The following SHC2 variants were observed in gnomAD, a reference collection of about 807,000 sequenced individuals.
SHC2 encodes SHC adaptor protein 2.
SHC2 carries 62 observed loss-of-function variants against 60.6 expected under a neutral mutation model. The ratio of observed to expected loss-of-function variants is 1.02; its 90% CI spans 0.83 to 1.26. SHC2 has a LOEUF of 1.26. Among genes scored for constraint, SHC2 ranks in the 50% most tolerant of loss-of-function variants. The pLI is 0.00. For missense variants in SHC2, 873 were observed against 822.2 expected (o/e 1.06, Z -0.76); for synonymous variants, 375 against 372.4 (o/e 1.01, Z -0.08).
At position 434,160 on chromosome 19, in the gene SHC2, T is replaced by C. The variant is rs530568060; in HGVS notation, c.1110+549A>G. Among the ~76,000 whole-genome samples the C allele has an allele frequency of 5.1e-5, 6 of 118,012 alleles. No homozygotes were observed. In the East Asian group the frequency reaches 1.5e-3, roughly 30 times the overall value. The allele number at this position is 118,012 out of a possible 152,430, so 77.4% of individuals were successfully genotyped here. A position where few individuals can be genotyped will look rare whatever the true frequency, so the allele number is the denominator to read the frequency against. On this transcript the variant is annotated intron_variant, in intron 8 of 12. Transcript: ENST00000264554. The stretch of plus-strand genomic sequence containing the variant: ...AGATGGCGCTTCATCGTGAGTGAGA[T>C]AGTGAGTGAGAGATAGAGGAGGCCG...
rs1011728078 is a variant in SHC2 at position 422,821 on chromosome 19, C to T, written c.1310-365G>A. 1.5e-5 allele frequency: 3 copies of T among 195,794 alleles called. No homozygotes were observed. The highest frequency in any genetic ancestry group is 2.1e-5 in the Non-Finnish European group (2 of 96,912). The allele number at this position is 195,794 out of a possible 1,614,324, so 12.1% of individuals were successfully genotyped here. On this transcript the variant is annotated intron_variant, in intron 10 of 12. Transcript: ENST00000264554. This position sits in a 1 kb window ranked among gnomAD's most constrained non-coding sequence, Gnocchi z 5.0. ...CCTTGTCTGGTCTTACTGCATTGGCCGCGGGGCCTCCAATGTGCCCTAAAT... is the reference window on the plus strand; with the variant it reads ...CCTTGTCTGGTCTTACTGCATTGGCTGCGGGGCCTCCAATGTGCCCTAAAT...
At position 446,593 on chromosome 19, in the gene SHC2, C is replaced by A. The variant is rs997372903; in HGVS notation, c.469-5661G>T. On this transcript the variant is annotated intron_variant, in intron 1 of 12. Transcript: ENST00000264554. This position sits in a 1 kb window ranked among gnomAD's most constrained non-coding sequence, Gnocchi z 5.4. The stretch of plus-strand genomic sequence containing the variant: ...GTGCTGGGACTACAGGCGTGAGTCA[C>A]CGCGCCCGGCTGTCTGTGTTGTTTT... 2.0e-5 allele frequency among the ~76,000 whole-genome samples: 3 copies of A among 152,174 alleles called. No individual in the cohort carries two copies. Among genetic ancestry groups the A allele is most frequent in the Non-Finnish European group, 2.9e-5 (2 of 68,042 alleles).
intron 5 of SHC2, 78 bp downstream of exon 5, chr19:436,552 C>A: frequency 6.3e-7 from 1 of 1,583,388 alleles, no homozygotes; most frequent in East Asian, 2.3e-5. Context: ...GTTAGGCGGG[C>A]TCTGGGGAAG....
Position 438,316 on chromosome 19 carries a change from C to T in SHC2, c.720+402G>A, listed in dbSNP as rs940630976. ...GGTTACAGGCGTGAGCAACCAAGCC[C>T]GAGCCTGGTCTGCAATTATACTTTT... On this transcript the variant is annotated intron_variant, in intron 4 of 12. Transcript: ENST00000264554. This position sits in a 1 kb window ranked among gnomAD's most constrained non-coding sequence, Gnocchi z 5.0. Among the ~76,000 whole-genome samples the T allele has an allele frequency of 4.6e-5, 7 of 152,352 alleles. No individual in the cohort carries two copies. The highest frequency in any genetic ancestry group is 4.8e-5 in the African/African-American group (2 of 41,580).
intron 12 of SHC2, among the ~76,000 whole-genome samples, chr19:418,681 G>A (rs1022416100): frequency 6.6e-6 from 1 of 152,186 alleles, no homozygotes; most frequent in African/African-American, 2.4e-5. Flanking sequence ...GGAGGCGGAT[G>A]TGTGGGGTTG....
In SHC2 at chr19:416,616, C is replaced by T. The variant is rs1209952473; in HGVS notation, c.*712G>A. On this transcript the variant is annotated 3_prime_UTR_variant, in exon 13 of 13. Transcript: ENST00000264554. ...TTGTGGCCATTCCCAGGTTTAATTACAAACCGATCCGAACATCCCATCTGG... is the reference window on the plus strand; with the variant it reads ...TTGTGGCCATTCCCAGGTTTAATTATAAACCGATCCGAACATCCCATCTGG... 1.3e-5 allele frequency: 2 copies of T among 152,352 alleles called. No individual in the cohort carries two copies. The highest frequency in any genetic ancestry group is 3.9e-4 in the East Asian group (2 of 5,168). 9.4% of individuals were successfully genotyped at this position (152,352 alleles called of 1,614,324 possible).
intron 11 of SHC2, among the ~76,000 whole-genome samples, chr19:421,007 G>A (rs578009063): frequency 3.9e-5 from 6 of 152,026 alleles, no homozygotes; most frequent in Non-Finnish European, 7.4e-5. Context: ...CTGAGATTGC[G>A]CCACTGCACT....
Position 434,789 on chromosome 19 carries a change from C to A in SHC2, c.1030G>T (p.Gly344Trp). 1.9e-6 allele frequency: 3 copies of A among 1,612,910 alleles called. No individual in the cohort carries two copies. The highest frequency in any genetic ancestry group is 2.5e-6 in the Non-Finnish European group (3 of 1,179,830). ...AGCCCGCCCAGCGGCGGCTCCTTCC[C>A]CGGGATGCTGTTGTAGTAATTGTGC... ...LEHNYYNSIP[G>W]KEPPLGGLVD... Residue 344 changes from glycine to tryptophan, a missense_variant, in exon 8 of 13, where the codon GGG becomes TGG. Transcript: ENST00000264554.
In SHC2 at chr19:436,175, G is replaced by C; in HGVS notation, c.943C>G (p.Pro315Ala). ...YLHSPPKVALPPERLAGPEES... is the reference protein window; with the variant it reads ...YLHSPPKVALAPERLAGPEES... ...GGCAGCTCTGGTTACCTTTCTGGGG[G>C]CAGCGCCACCTTGGGCGGGCTGTGC... The change falls in exon 7 of 13, where the codon CCC becomes GCC. Residue 315 changes from proline to alanine, a missense_variant. Pro to Ala is a conservative substitution (Grantham distance 27, BLOSUM62 -1). Coordinates refer to ENST00000264554, the MANE Select transcript of SHC2 (RefSeq NM_012435.3). 1 of 1,611,114 alleles carries C rather than the reference G, an allele frequency of 6.2e-7. No individual in the cohort carries two copies.
intron 7 of SHC2, 136 bp from the exon 8 acceptor site, chr19:435,001 C>G (rs925136700): frequency 1.2e-6 from 1 of 869,328 alleles, no homozygotes; most frequent in Non-Finnish European, 1.7e-6. Context: ...GGGTTCCTAC[C>G]GGGAAACGCT....
intron 2 of SHC2, among the ~76,000 whole-genome samples, chr19:439,657 G>A (rs1241072132): frequency 6.6e-6 from 1 of 152,140 alleles, no homozygotes; most frequent in Non-Finnish European, 1.5e-5. Context: ...AAAACAGCCT[G>A]GGGGCTCCTC....
chr19:454,617 T>A (rs1396031225), intron 1 of SHC2, among the ~76,000 whole-genome samples: 1 of 152,116 alleles, frequency 6.6e-6, no homozygotes, highest in South Asian at 2.1e-4. Context: ...TGAAACCCCA[T>A]CTCTACTGAA....
At chr19:443,424 G>C (rs1157964297) in intron 1 of SHC2, among the ~76,000 whole-genome samples, 3 of 148,994 alleles carry the variant, frequency 2.0e-5, no homozygotes, top group Non-Finnish European at 4.5e-5. Context: ...GTGGATGGGT[G>C]GGTGGATGGA....
intron 11 of SHC2, among the ~76,000 whole-genome samples, chr19:421,445 G>A (rs1974271125): frequency 1.0e-5 from 1 of 96,200 alleles, no homozygotes; most frequent in Admixed American, 1.2e-4. Flanking sequence ...GAGAAAAAAA[G>A]GAAAGGAGGG....
Position 434,797 on chromosome 19 carries a change from CTGT to C in SHC2, c.1019_1021del (p.Asn340del), listed in dbSNP as rs1055235705. 6.2e-7 allele frequency: 1 copy of C among 1,612,776 alleles called. No homozygotes were observed. The highest frequency in any genetic ancestry group is 8.5e-7 in the Non-Finnish European group (1 of 1,179,820). The stretch of plus-strand genomic sequence containing the variant: ...CAGCGGCGGCTCCTTCCCCGGGATG[CTGT>C]TGTAGTAATTGTGCTCCAAAGAGTC... On this transcript the variant is annotated inframe_deletion, in exon 8 of 13. Coordinates refer to ENST00000264554, the MANE Select transcript of SHC2 (RefSeq NM_012435.3).
Position 422,114 on chromosome 19 carries a change from C to A in SHC2, c.1620+32G>T, listed in dbSNP as rs1974286429. The stretch of plus-strand genomic sequence containing the variant: ...CTGTGCCCAGCGAAGCCCCTGGATG[C>A]CCCGAGACCCTCCCACCTGTGCACA... On this transcript the variant is annotated intron_variant, in intron 11 of 12. Transcript: ENST00000264554. This position sits in a 1 kb window ranked among gnomAD's most constrained non-coding sequence, Gnocchi z 5.0. 1 of 1,247,946 alleles carries A rather than the reference C, an allele frequency of 8.0e-7. No homozygotes were observed. Among genetic ancestry groups the A allele is most frequent in the Non-Finnish European group, 1.0e-6 (1 of 975,876 alleles). The allele number at this position is 1,247,946 out of a possible 1,614,324, so 77.3% of individuals were successfully genotyped here.
At chr19:452,788 G>A (rs963478243) in intron 1 of SHC2, among the ~76,000 whole-genome samples, 1 of 152,210 alleles carries the variant, frequency 6.6e-6, no homozygotes, top group Non-Finnish European at 1.5e-5. Flanking sequence ...AGAATCACCT[G>A]GAGGACTCAC....
At chr19:437,332 G>T (rs549232279) in intron 4 of SHC2, among the ~76,000 whole-genome samples, 18 of 151,914 alleles carry the variant, frequency 1.2e-4, no homozygotes, top group African/African-American at 3.4e-4. Context: ...GCTCATCTGC[G>T]TGCTTGTTTG....
intron 7 of SHC2, 135 bp downstream of exon 7, chr19:436,030 C>G (rs564380988): frequency 1.1e-6 from 1 of 941,494 alleles, no homozygotes; most frequent in Non-Finnish European, 1.6e-6. Context: ...TCTGGCTGAG[C>G]CATATTCTCA....
Sources: gnomAD v4.1 joint callset for allele counts (sites outside exome capture counted in the v4.1 genomes callset) on GRCh38, gnomAD v4.1.1 for gene constraint, Gnocchi (gnomAD v3.1) non-coding constraint, MANE v1.5 for transcripts, NCBI Gene and HGNC (gene_info 2026-07-23, HGNC 2026-07-21) for gene names.